Variants in RSRC1 observed in about 807,000 individuals in gnomAD.
RSRC1 encodes the protein arginine and serine rich coiled-coil 1.
RSRC1 carries 39 observed loss-of-function variants against 49.1 expected under a neutral mutation model. The observed-to-expected ratio is 0.79, with a 90% CI of 0.61 to 1.04. The LOEUF is 1.04. RSRC1 is among the 50% of genes least tolerant of loss of function. The pLI, the probability that RSRC1 is intolerant of heterozygous loss-of-function variation, is 0.00. For missense variants in RSRC1, 388 were observed against 402.4 expected (o/e 0.96, Z 0.31); for synonymous variants, 143 against 130.8 (o/e 1.09, Z -0.63).
In RSRC1 at chr3:158,230,562, A is replaced by AT. The variant is rs539215799; in HGVS notation, c.494+27318dup. On this transcript the variant is annotated intron_variant, in intron 4 of 9. Transcript: ENST00000611884. ...GTTAAGTGAATAAATGAAATAAAACATATCATTCTGCTACAGCAATTTTAG... is the reference window on the plus strand; with the variant it reads ...GTTAAGTGAATAAATGAAATAAAACATTATCATTCTGCTACAGCAATTTTAG... Among the ~76,000 whole-genome samples the AT allele has an allele frequency of 1.4e-3, 217 of 152,226 alleles. 3 individuals are homozygous for AT. Among genetic ancestry groups the AT allele is most frequent in the African/African-American group, 5.0e-3 (207 of 41,556 alleles).
Position 158,192,427 on chromosome 3 carries a change from G to A in RSRC1, c.321-10645G>A, listed in dbSNP as rs1402393821. Among the ~76,000 whole-genome samples the A allele has an allele frequency of 3.9e-5, 6 of 152,202 alleles. No individual in the cohort carries two copies. The East Asian group carries it at 1.2e-3, about 29-fold the overall frequency. On this transcript the variant is annotated intron_variant, in intron 3 of 9. Coordinates refer to ENST00000611884, the MANE Select transcript of RSRC1 (RefSeq NM_001271838.2). ...AAATGGCAGGCATATGTTTTCTATA[G>A]TAGAGTCCTTGTGTTAGGGAAAACT... is the stretch of plus-strand genomic sequence containing the variant.
At chr3:158,391,168 C>G (rs1262358748) in intron 6 of RSRC1, among the ~76,000 whole-genome samples, 1 of 152,098 alleles carries the variant, frequency 6.6e-6, no homozygotes, top group Non-Finnish European at 1.5e-5. Context: ...TCTCCACACC[C>G]CCACCCTGGG....
chr3:158,163,759 A>AT (rs1553763466), intron 3 of RSRC1, among the ~76,000 whole-genome samples: 1,712 of 149,394 alleles, frequency 0.011, 43 homozygotes, highest in African/African-American at 0.039. Context: ...CTTTATAGCA[A>AT]TTTTTTTTTT....
chr3:158,413,323 T>G (rs1297416698), intron 6 of RSRC1, among the ~76,000 whole-genome samples: 3 of 152,150 alleles, frequency 2.0e-5, no homozygotes, highest in Non-Finnish European at 4.4e-5. Flanking sequence ...CCTTACACCT[T>G]ATACAAAAAT....
At chr3:158,254,634 A>G (rs1375361525) in intron 4 of RSRC1, among the ~76,000 whole-genome samples, 1 of 152,028 alleles carries the variant, frequency 6.6e-6, no homozygotes, top group Non-Finnish European at 1.5e-5. Flanking sequence ...GGGTTTCACC[A>G]TGTTACCCAG....
chr3:158,180,500 T>A (rs1719532459), intron 3 of RSRC1, among the ~76,000 whole-genome samples: 1 of 142,188 alleles, frequency 7.0e-6, no homozygotes, highest in Non-Finnish European at 1.5e-5. Context: ...CACGGTCTCA[T>A]TCTGTCACCC....
At chr3:158,253,046 A>AT (rs34546279) in intron 4 of RSRC1, among the ~76,000 whole-genome samples, 71,956 of 151,040 alleles carry the variant, frequency 0.48, 17,666 homozygotes, top group East Asian at 0.64. Flanking sequence ...TCTTTCATTG[A>AT]TTTTTTTTGG....
chr3:158,423,880 T>G (rs1316846017), intron 6 of RSRC1, among the ~76,000 whole-genome samples: 1 of 150,360 alleles, frequency 6.7e-6, no homozygotes, highest in Non-Finnish European at 1.5e-5. Flanking sequence ...CTCTGTCTGT[T>G]ATTGGTGTAT....
intron 6 of RSRC1, among the ~76,000 whole-genome samples, chr3:158,386,595 A>G (rs895506512): frequency 5.9e-5 from 9 of 152,094 alleles, no homozygotes; most frequent in Non-Finnish European, 1.2e-4. Context: ...AAGGACCTCA[A>G]TATGGCCAAG....
intron 6 of RSRC1, among the ~76,000 whole-genome samples, chr3:158,375,080 G>T (rs985980843): frequency 1.3e-5 from 2 of 151,380 alleles, no homozygotes; most frequent in African/African-American, 4.8e-5. Context: ...TTAAAAAGAG[G>T]ACTTTTAAAT....
intron 5 of RSRC1, among the ~76,000 whole-genome samples, chr3:158,300,442 TA>T (rs1323172532): frequency 3.9e-5 from 6 of 152,306 alleles, no homozygotes; most frequent in African/African-American, 1.4e-4. Context: ...TAAACCTTTC[TA>T]AAAAGGTTCA....
chr3:158,187,138 A>C (rs904723168), intron 3 of RSRC1, among the ~76,000 whole-genome samples: 1 of 151,926 alleles, frequency 6.6e-6, no homozygotes, highest in South Asian at 2.1e-4. Context: ...AGTTTTCTCA[A>C]AGTAAAAACA....
At chr3:158,477,798 T>TTTTATATATA (rs1485762587) in intron 7 of RSRC1, among the ~76,000 whole-genome samples, 1,418 of 89,720 alleles carry the variant, frequency 0.016, 164 homozygotes, top group African/African-American at 0.061. Flanking sequence ...CGGGAGGGAT[T>TTTTATATATA]TATATATATA....
At chr3:158,417,654 G>C (rs1460691775) in intron 6 of RSRC1, among the ~76,000 whole-genome samples, 1 of 151,828 alleles carries the variant, frequency 6.6e-6, no homozygotes, top group Non-Finnish European at 1.5e-5. Flanking sequence ...CCAGGGTGCT[G>C]TATGTTTAAC....
intron 6 of RSRC1, among the ~76,000 whole-genome samples, chr3:158,361,248 T>C (rs923163622): frequency 2.0e-5 from 3 of 152,138 alleles, no homozygotes; most frequent in Non-Finnish European, 4.4e-5. Flanking sequence ...CCCAGTGTCC[T>C]CAGCAGGACG....
intron 6 of RSRC1, among the ~76,000 whole-genome samples, chr3:158,414,271 G>C (rs1734624584): frequency 6.6e-6 from 1 of 152,058 alleles, no homozygotes; most frequent in African/African-American, 2.4e-5. Context: ...GGAGCTGGAA[G>C]CCATTATCCT....
At chr3:158,249,441 ACTTCT>A (rs1161083346) in intron 4 of RSRC1, among the ~76,000 whole-genome samples, 1 of 152,172 alleles carries the variant, frequency 6.6e-6, no homozygotes, top group Non-Finnish European at 1.5e-5. Context: ...TGCAAGTATC[ACTTCT>A]CTTTGTTGCT....
chr3:158,445,837 TA>T (rs1394703338), intron 6 of RSRC1, among the ~76,000 whole-genome samples: 1 of 152,104 alleles, frequency 6.6e-6, no homozygotes, highest in Admixed American at 6.6e-5. Flanking sequence ...AAATAAAGTT[TA>T]AAGCATTCTT....
intron 1 of RSRC1, among the ~76,000 whole-genome samples, chr3:158,113,489 C>T (rs1714562956): frequency 6.6e-6 from 1 of 151,878 alleles, no homozygotes; most frequent in African/African-American, 2.4e-5. Flanking sequence ...CTGCCTCAGC[C>T]TCCTGAGTAG....
Sources: allele counts gnomAD v4.1 joint callset (sites outside exome capture counted in the v4.1 genomes callset), GRCh38; gene constraint gnomAD v4.1.1; transcripts MANE v1.5; gene names NCBI Gene and HGNC (gene_info 2026-07-23, HGNC 2026-07-21).